Variants in METTL25 observed in about 807,000 individuals in gnomAD.
The protein encoded by METTL25 is methyltransferase like 25, also known as probable methyltransferase-like protein 25.
METTL25 carries 64 observed loss-of-function variants against 71.6 expected under a neutral mutation model. The observed-to-expected ratio is 0.89, with a 90% confidence interval of 0.73 to 1.10. The LOEUF (loss-of-function observed/expected upper bound fraction) is 1.10, where lower values mean the gene tolerates loss of function less well. Ranked by LOEUF, METTL25 falls within the 50% of genes least tolerant of loss-of-function variation. METTL25 has a pLI of 0.00. For synonymous variants in METTL25, 287 were observed against 250.3 expected (o/e 1.15, Z -1.38); for missense variants, 807 against 707.0 (o/e 1.14, Z -1.60).
In METTL25 at chr12:82,389,873, C is replaced by T; in HGVS notation, c.482C>T (p.Ala161Val). ...ATGAAGAAATCTCATGAAGTTCAGG[C>T]AATGTCAGAGCTGATCAGCAGTATT... ...MNMKKSHEVQ[A>V]MSELISSIAD... Residue 161 changes from alanine (A) to valine (V), a missense_variant, in exon 3 of 12, where the codon GCA becomes GTA. By Grantham distance (64) the Ala-to-Val change is moderately conservative. Transcript: ENST00000248306. 1 of 1,603,838 alleles carries T rather than the reference C, an allele frequency of 6.2e-7. No individual in the cohort carries two copies. The highest frequency in any genetic ancestry group is 8.5e-7 in the Non-Finnish European group (1 of 1,173,202).
intron 3 of METTL25, among the ~76,000 whole-genome samples, chr12:82,393,363 C>T (rs559200815): frequency 1.3e-5 from 2 of 151,900 alleles, no homozygotes; most frequent in East Asian, 3.9e-4. Context: ...GGCATTTATT[C>T]CTAGGGATCT....
intron 1 of METTL25, among the ~76,000 whole-genome samples, chr12:82,359,257 G>C (rs1289956035): frequency 6.6e-6 from 1 of 151,774 alleles, no homozygotes; most frequent in Non-Finnish European, 1.5e-5. Context: ...GATTGTGTAA[G>C]GAGGCTGCCT....
At chr12:82,477,077 C>T (rs916287889) in intron 10 of METTL25, among the ~76,000 whole-genome samples, 1 of 151,726 alleles carries the variant, frequency 6.6e-6, no homozygotes. Context: ...ACCTCACAGT[C>T]ACTTAAAGGA....
intron 5 of METTL25, among the ~76,000 whole-genome samples, chr12:82,415,497 A>T (rs1362028827): frequency 6.6e-6 from 1 of 152,122 alleles, no homozygotes; most frequent in Admixed American, 6.6e-5. Flanking sequence ...GGCTGACACA[A>T]TTATGGAGGC....
intron 9 of METTL25, among the ~76,000 whole-genome samples, chr12:82,465,301 T>G (rs1270624846): frequency 6.6e-6 from 1 of 152,004 alleles, no homozygotes. Flanking sequence ...TTGTTGAAAG[T>G]TTTTATCATG....
At chr12:82,389,754 A>G (rs1565820268) in intron 2 of METTL25, 62 bp from the exon 3 acceptor site, 1 of 960,010 alleles carries the variant, frequency 1.0e-6, no homozygotes, top group Middle Eastern at 2.5e-4. Flanking sequence ...ATGAACATCT[A>G]ACTGATAATT....
At chr12:82,408,258 A>C (rs991703893) in intron 5 of METTL25, among the ~76,000 whole-genome samples, 3 of 152,210 alleles carry the variant, frequency 2.0e-5, no homozygotes, top group Non-Finnish European at 4.4e-5. Flanking sequence ...GCAGAGACTT[A>C]GATGGGTCCT....
At chr12:82,467,700 G>A (rs182409963) in intron 9 of METTL25, among the ~76,000 whole-genome samples, 1 of 152,038 alleles carries the variant, frequency 6.6e-6, no homozygotes, top group East Asian at 1.9e-4. Flanking sequence ...CTTTTCTCTT[G>A]ATGATTTTAG....
chr12:82,379,327 A>G (rs1027259058), intron 1 of METTL25, among the ~76,000 whole-genome samples: 1 of 152,184 alleles, frequency 6.6e-6, no homozygotes, highest in African/African-American at 2.4e-5. Context: ...AAATAAATAT[A>G]TTTTTAGTAT....
intron 1 of METTL25, among the ~76,000 whole-genome samples, chr12:82,379,307 T>A (rs1166418225): frequency 6.6e-6 from 1 of 152,204 alleles, no homozygotes; most frequent in Non-Finnish European, 1.5e-5. Flanking sequence ...TCAAAGCAAT[T>A]ACTGCACTGA....
At chr12:82,361,960 G>A (rs542920004) in intron 1 of METTL25, among the ~76,000 whole-genome samples, 7 of 152,326 alleles carry the variant, frequency 4.6e-5, no homozygotes, top group Non-Finnish European at 8.8e-5. Flanking sequence ...CTGCCGGCAC[G>A]CTGTCACCTC....
intron 8 of METTL25, among the ~76,000 whole-genome samples, chr12:82,447,299 T>C (rs921861555): frequency 2.0e-5 from 3 of 152,080 alleles, no homozygotes; most frequent in Admixed American, 6.6e-5. Flanking sequence ...ACAAGAATGA[T>C]CAATAGCAGC....
At chr12:82,382,764 G>A (rs551218145) in intron 1 of METTL25, among the ~76,000 whole-genome samples, 22 of 152,172 alleles carry the variant, frequency 1.4e-4, no homozygotes, top group African/African-American at 4.6e-4. Flanking sequence ...TGCCCAGGCT[G>A]GAGTGCAGTG....
At chr12:82,394,386 A>G (rs902891168) in intron 3 of METTL25, among the ~76,000 whole-genome samples, 1 of 152,002 alleles carries the variant, frequency 6.6e-6, no homozygotes, top group Admixed American at 6.6e-5. Flanking sequence ...ACATAACCTT[A>G]TTGGTGACCA....
At position 82,358,588 on chromosome 12, in the gene METTL25, C is replaced by T. The variant is rs1356127479; in HGVS notation, c.23C>T (p.Pro8Leu). 6.2e-7 allele frequency: 1 copy of T among 1,612,368 alleles called. No individual in the cohort carries two copies. Among genetic ancestry groups the T allele is most frequent in the South Asian group, 1.1e-5 (1 of 91,084 alleles). ...GTCATGGCGGCTTCTTGCCCTCTCC[C>T]GGTGACCCCGGACCTGCCCACGCTG... is the stretch of plus-strand genomic sequence containing the variant. MAASCPLPVTPDLPTLRA... is the reference protein window; with the variant it reads MAASCPLLVTPDLPTLRA... Residue 8 changes from proline (P) to leucine (L), a missense_variant, in exon 1 of 12, where the codon CCG (proline) becomes CTG (leucine). Transcript: ENST00000248306.
chr12:82,362,068 C>T (rs1882008364), intron 1 of METTL25, among the ~76,000 whole-genome samples: 1 of 152,200 alleles, frequency 6.6e-6, no homozygotes, highest in Non-Finnish European at 1.5e-5. Context: ...ATGTTCGGCA[C>T]AATCATTTGG....
At chr12:82,406,980 G>A (rs1887154134) in intron 5 of METTL25, among the ~76,000 whole-genome samples, 1 of 150,578 alleles carries the variant, frequency 6.6e-6, no homozygotes, top group African/African-American at 2.4e-5. Flanking sequence ...CATTGTAATT[G>A]TCTTTTCTTC....
intron 5 of METTL25, chr12:82,407,846 C>T: frequency 1.0e-6 from 1 of 985,188 alleles, no homozygotes; most frequent in South Asian, 4.7e-5. Context: ...GCCACATTTT[C>T]TCATCTCAAA....
chr12:82,382,439 A>G (rs892172075), intron 1 of METTL25, among the ~76,000 whole-genome samples: 4 of 152,168 alleles, frequency 2.6e-5, no homozygotes, highest in Non-Finnish European at 5.9e-5. Context: ...TCCCTGGGCT[A>G]TTGAAGTCCT....
Sources: allele counts gnomAD v4.1 joint callset (sites outside exome capture counted in the v4.1 genomes callset), GRCh38; gene constraint gnomAD v4.1.1; transcripts MANE v1.5; gene names NCBI Gene and HGNC (gene_info 2026-07-23, HGNC 2026-07-21).